Variants in TEKT3 observed in about 807,000 individuals in gnomAD.
TEKT3 encodes tektin-3.
Under a neutral mutation model 49.8 loss-of-function variants are expected in TEKT3, and 49 were observed. The ratio of observed to expected loss-of-function variants is 0.98; its 90% CI spans 0.78 to 1.25. The LOEUF (loss-of-function observed/expected upper bound fraction) is 1.25, where lower values mean the gene tolerates loss of function less well. Among genes scored for constraint, TEKT3 ranks in the 50% most tolerant of loss-of-function variants. TEKT3 has a pLI of 0.00. For missense variants in TEKT3, 595 were observed against 629.5 expected (o/e 0.95, Z 0.59); for synonymous variants, 225 against 237.2 (o/e 0.95, Z 0.47).
At position 15,303,975 on chromosome 17, in the gene TEKT3, C is replaced by T. The variant is rs760277654; in HGVS notation, c.1434G>A (p.Lys478=). The T allele has an allele frequency of 3.7e-6, 6 of 1,613,994 alleles. No individual in the cohort carries two copies. The South Asian group carries it at 6.6e-5, about 18-fold the overall frequency. ...IDQEKCMSMR[K]SYPNTLRLVG... ...CCAGCCGGAGGGTGTTGGGGTAGCT[C>T]TTGCGCATGCTCATGCATTTTTCCT... The change falls in exon 9 of 9, where the codon AAG becomes AAA. Residue 478 remains lysine (K), a synonymous_variant. Transcript: ENST00000395930.
At chr17:15,305,884 C>A (rs1321617635) in intron 8 of TEKT3, among the ~76,000 whole-genome samples, 4 of 151,960 alleles carry the variant, frequency 2.6e-5, no homozygotes, top group African/African-American at 7.3e-5. Flanking sequence ...CATGCTTCCA[C>A]TTCTCTCATC....
rs559167840 is a variant in TEKT3 at position 15,336,130 on chromosome 17, G to A, written c.-30+3898C>T. ...CACACACACACACACACACACATACGTGCACACACACAACCCCCTGCTGCC... is the reference window on the plus strand; with the variant it reads ...CACACACACACACACACACACATACATGCACACACACAACCCCCTGCTGCC... On this transcript the variant is annotated intron_variant, in intron 2 of 8. Transcript: ENST00000395930. Among the ~76,000 whole-genome samples, 103 of 150,972 alleles carry A rather than the reference G, an allele frequency of 6.8e-4. 1 individual carries two copies. The South Asian group carries it at 0.01, about 15-fold the overall frequency.
At chr17:15,340,500 T>C (rs1000419373) in intron 1 of TEKT3, 1 of 152,164 alleles carries the variant, frequency 6.6e-6, no homozygotes, top group South Asian at 2.1e-4. Flanking sequence ...TGAGCTGAGA[T>C]CATGCCATTG....
At chr17:15,309,397 A>G in intron 7 of TEKT3, among the ~76,000 whole-genome samples, 1 of 151,840 alleles carries the variant, frequency 6.6e-6, no homozygotes, top group East Asian at 1.9e-4. Context: ...TGTATTCCTG[A>G]TTTTGTATTC....
intron 3 of TEKT3, among the ~76,000 whole-genome samples, chr17:15,330,259 C>G (rs530697269): frequency 6.6e-6 from 1 of 152,226 alleles, no homozygotes; most frequent in South Asian, 2.1e-4. Flanking sequence ...AATTTAGTGA[C>G]AGCAATGATG....
intron 5 of TEKT3, among the ~76,000 whole-genome samples, chr17:15,314,555 C>T (rs796231336): frequency 5.3e-5 from 8 of 152,338 alleles, no homozygotes; most frequent in African/African-American, 1.9e-4. Flanking sequence ...ACAAACTCTT[C>T]CAGACAGGAC....
chr17:15,313,996 C>T lies in TEKT3; in HGVS notation c.878+91G>A, dbSNP rs1015415739. The T allele has an allele frequency of 3.2e-5, 50 of 1,570,858 alleles. No individual in the cohort carries two copies. In the African/African-American group the frequency reaches 6.2e-4, roughly 19 times the overall value. On this transcript the variant is annotated intron_variant, in intron 6 of 8. Coordinates refer to ENST00000395930, the MANE Select transcript of TEKT3 (RefSeq NM_031898.3). The stretch of plus-strand genomic sequence containing the variant: ...TCTCACCTTCAGATATCTTACCTTG[C>T]TTTCCATTTTAACCTGTAAGCTGTG...
At chr17:15,320,558 C>T (rs770712951) in intron 4 of TEKT3, among the ~76,000 whole-genome samples, 11 of 152,060 alleles carry the variant, frequency 7.2e-5, no homozygotes, top group Non-Finnish European at 1.6e-4. Context: ...TATTACTCAC[C>T]TATGTATTGT....
chr17:15,335,345 A>T (rs1911936403), intron 2 of TEKT3, among the ~76,000 whole-genome samples: 1 of 152,222 alleles, frequency 6.6e-6, no homozygotes. Flanking sequence ...CTTGGCAAAG[A>T]GTGATGGCAG....
At chr17:15,339,594 A>G (rs1179762817) in intron 2 of TEKT3, among the ~76,000 whole-genome samples, 1 of 152,262 alleles carries the variant, frequency 6.6e-6, no homozygotes, top group Non-Finnish European at 1.5e-5. Context: ...TAAACATTTT[A>G]TTAGCATATT....
intron 2 of TEKT3, among the ~76,000 whole-genome samples, chr17:15,336,209 A>G (rs1911976337): frequency 6.6e-6 from 1 of 152,098 alleles, no homozygotes; most frequent in Admixed American, 6.6e-5. Flanking sequence ...ATAGAGAGAA[A>G]ATTTGAAAAT....
At chr17:15,333,167 AC>A (rs1226171957) in intron 2 of TEKT3, among the ~76,000 whole-genome samples, 8 of 152,154 alleles carry the variant, frequency 5.3e-5, no homozygotes, top group Non-Finnish European at 1.2e-4. Flanking sequence ...ACAGACCACT[AC>A]GTATCTTTTA....
Position 15,312,496 on chromosome 17 carries a change from C to T in TEKT3, c.879-15G>A. ...GCACTGAGACACTGAAAAAGAGAAG[C>T]AGAAGCAGACAACAGTGAGAGTGAT... On this transcript the variant is annotated splice_polypyrimidine_tract_variant and intron_variant, in intron 6 of 8. Coordinates refer to ENST00000395930, the MANE Select transcript of TEKT3 (RefSeq NM_031898.3). 6.2e-7 allele frequency: 1 copy of T among 1,610,386 alleles called. No individual in the cohort carries two copies. Among genetic ancestry groups the T allele is most frequent in the East Asian group, 2.2e-5 (1 of 44,856 alleles).
rs1248477956 is a variant in TEKT3 at position 15,331,241 on chromosome 17, A to T, written c.345T>A (p.His115Gln). The T allele has an allele frequency of 6.2e-7, 1 of 1,614,058 alleles. No individual in the cohort carries two copies. The highest frequency in any genetic ancestry group is 1.3e-5 in the African/African-American group (1 of 74,912). The change falls in exon 3 of 9, where the codon CAT becomes CAA. Residue 115 changes from histidine to glutamine, a missense_variant. Physicochemically the swap from His to Gln is conservative, Grantham distance 24. Transcript: ENST00000395930. ...TATCCACTCTTAGTTTCTCCGAATT[A>T]TGTCGGGAAGTGTTGGACTCTTGAT... The part of the protein sequence containing the change: ...TNYQESNTSR[H>Q]NSEKLRVDTS...
At chr17:15,336,850 G>A (rs942804690) in intron 2 of TEKT3, among the ~76,000 whole-genome samples, 6 of 152,094 alleles carry the variant, frequency 3.9e-5, no homozygotes, top group Non-Finnish European at 8.8e-5. Context: ...AGACCTCTTT[G>A]GAGGTGAAAT....
intron 1 of TEKT3, among the ~76,000 whole-genome samples, chr17:15,340,929 A>G (rs1440411857): frequency 6.6e-6 from 1 of 152,238 alleles, no homozygotes; most frequent in African/African-American, 2.4e-5. Flanking sequence ...ATTTCTCTAC[A>G]ATACTATATA....
intron 3 of TEKT3, among the ~76,000 whole-genome samples, chr17:15,328,557 A>G (rs1452825084): frequency 1.3e-5 from 2 of 152,234 alleles, no homozygotes; most frequent in East Asian, 3.8e-4. Context: ...TGTTTTCCCA[A>G]TTATCAAAAT....
chr17:15,303,864 G>A lies in TEKT3; in HGVS notation c.*72C>T, dbSNP rs578021878. On this transcript the variant is annotated 3_prime_UTR_variant, in exon 9 of 9. Coordinates refer to ENST00000395930, the MANE Select transcript of TEKT3 (RefSeq NM_031898.3). ...TTAATAAGTGACTATATTAGCATTC[G>A]GTTCAAATGCTGAGACAGTGCTCTG... The A allele has an allele frequency of 6.6e-6, 9 of 1,370,602 alleles. No homozygotes were observed. Among genetic ancestry groups the A allele is most frequent in the South Asian group, 2.4e-5 (2 of 84,832 alleles). 84.9% of individuals were successfully genotyped at this position (1,370,602 alleles called of 1,614,324 possible).
At chr17:15,308,259 A>G (rs1303881023) in intron 8 of TEKT3, among the ~76,000 whole-genome samples, 2 of 152,118 alleles carry the variant, frequency 1.3e-5, no homozygotes, top group Non-Finnish European at 2.9e-5. Context: ...AACTCCGAAG[A>G]CTCCAAGAAC....
Sources: allele counts gnomAD v4.1 joint callset (sites outside exome capture counted in the v4.1 genomes callset), GRCh38; gene constraint gnomAD v4.1.1; transcripts MANE v1.5; gene names NCBI Gene and HGNC (gene_info 2026-07-23, HGNC 2026-07-21).